PHF21B: variants seen among roughly 807,000 people sequenced by gnomAD.
PHF21B encodes PHD finger protein 4.
In PHF21B, 22 loss-of-function variants were observed where a neutral mutation model predicts 62.2. That is an observed-to-expected ratio of 0.35 (90% CI 0.25 to 0.51). The LOEUF (loss-of-function observed/expected upper bound fraction) is 0.51. PHF21B is among the 20% of genes least tolerant of loss of function. The probability of loss-of-function intolerance (pLI) is 0.97; values close to 1 mark genes in which losing one functional copy is unlikely to be tolerated. For missense variants in PHF21B, 701 were observed against 707.9 expected, an observed-to-expected ratio of 0.99 and a Z score of 0.11; for synonymous variants, 341 against 314.7, an observed-to-expected ratio of 1.08 and a Z score of -0.88.
chr22:44,939,249 C>T (rs957730310), intron 2 of PHF21B, among the ~76,000 whole-genome samples: 6 of 152,170 alleles, frequency 3.9e-5, no homozygotes, highest in African/African-American at 7.2e-5. Flanking sequence ...AGGCAGGAGA[C>T]GCTCCTTCAC....
In PHF21B at chr22:44,917,552, C is replaced by T. The variant is rs146413149; in HGVS notation, c.214-922G>A. Among the ~76,000 whole-genome samples the T allele has an allele frequency of 1.9e-3, 295 of 152,282 alleles. 2 individuals are homozygous for T. Among genetic ancestry groups the T allele is most frequent in the African/African-American group, 6.5e-3 (270 of 41,546 alleles). On this transcript the variant is annotated intron_variant, in intron 3 of 12. Coordinates refer to ENST00000313237, the MANE Select transcript of PHF21B (RefSeq NM_138415.5). Reference sequence around the variant, plus strand: ...GACAAGGGGACAAGGAGAAGGGGTACGACCTGCCTTCTCATCTGAACCCCG... The same window carrying T: ...GACAAGGGGACAAGGAGAAGGGGTATGACCTGCCTTCTCATCTGAACCCCG...
At chr22:44,921,034 G>A (rs1298616104) in intron 2 of PHF21B, among the ~76,000 whole-genome samples, 2 of 152,216 alleles carry the variant, frequency 1.3e-5, no homozygotes, top group Non-Finnish European at 2.9e-5. Flanking sequence ...TGAATATGGG[G>A]ATCCATGGAC....
rs529298508 is a variant in PHF21B, at chr22:44,984,028, A to G, written c.120+24517T>C. Among the ~76,000 whole-genome samples, 736 of 150,440 alleles carry G rather than the reference A, an allele frequency of 4.9e-3. 7 individuals carry two copies. The highest frequency in any genetic ancestry group is 0.017 in the African/African-American group (706 of 40,746). ...AGGCATGACAGCCACCGCCATCATC[A>G]TTGGCATCATCACCACCATCATCAC... is the stretch of plus-strand genomic sequence containing the variant. On this transcript the variant is annotated intron_variant, in intron 2 of 12. Coordinates refer to ENST00000313237, the MANE Select transcript of PHF21B (RefSeq NM_138415.5).
At chr22:44,893,058 G>A (rs1416864648) in intron 7 of PHF21B, among the ~76,000 whole-genome samples, 1 of 151,898 alleles carries the variant, frequency 6.6e-6, no homozygotes, top group Non-Finnish European at 1.5e-5. Flanking sequence ...CACATCCTCA[G>A]TCTCTCCCAG....
intron 3 of PHF21B, among the ~76,000 whole-genome samples, chr22:44,919,919 TC>T (rs1295366849): frequency 6.6e-6 from 1 of 151,790 alleles, no homozygotes; most frequent in Non-Finnish European, 1.5e-5. Flanking sequence ...AAGCGTGGAG[TC>T]CAGTCGGGGG....
intron 2 of PHF21B, among the ~76,000 whole-genome samples, chr22:44,972,274 A>AGGT (rs2072653088): frequency 6.6e-6 from 1 of 152,262 alleles, no homozygotes; most frequent in Non-Finnish European, 1.5e-5. Context: ...AAAATATGAA[A>AGGT]GGTGATTAAG....
chr22:44,891,959 G>A (rs921559288), intron 7 of PHF21B, among the ~76,000 whole-genome samples: 1 of 152,150 alleles, frequency 6.6e-6, no homozygotes, highest in African/African-American at 2.4e-5. Flanking sequence ...TCTCGGTGTG[G>A]TCAGGCTGTG....
intron 2 of PHF21B, among the ~76,000 whole-genome samples, chr22:45,007,078 CCGGACGGGGGCGCGCGGCCGGGG>C (rs2073328327): frequency 6.6e-6 from 1 of 151,850 alleles, no homozygotes; most frequent in Non-Finnish European, 1.5e-5. Flanking sequence ...GCTTCCACTC[CCGGACGGGGGCGCGCGGCCGGGG>C]GCGGGGGGGC....
intron 2 of PHF21B, among the ~76,000 whole-genome samples, chr22:44,964,398 A>G (rs2072484144): frequency 6.6e-6 from 1 of 152,048 alleles, no homozygotes; most frequent in Admixed American, 6.6e-5. Context: ...GCACCCCTGA[A>G]CCTGGGGTCT....
intron 8 of PHF21B, among the ~76,000 whole-genome samples, chr22:44,890,985 AAG>A (rs1395402585): frequency 1.3e-5 from 2 of 152,162 alleles, no homozygotes; most frequent in African/African-American, 4.8e-5. Context: ...GCGTGTGGGG[AAG>A]AGAGGTTGTC....
At chr22:44,983,000 T>G (rs1329681994) in intron 2 of PHF21B, among the ~76,000 whole-genome samples, 1 of 152,090 alleles carries the variant, frequency 6.6e-6, no homozygotes, top group Non-Finnish European at 1.5e-5. Flanking sequence ...TCCCAGCACT[T>G]TGGGAGACCG....
At chr22:44,976,298 T>C (rs1393778834) in intron 2 of PHF21B, among the ~76,000 whole-genome samples, 1 of 152,234 alleles carries the variant, frequency 6.6e-6, no homozygotes, top group Admixed American at 6.5e-5. Flanking sequence ...GCCTCATACA[T>C]TTATTATTTC....
chr22:44,962,067 G>A (rs2072435157), intron 2 of PHF21B, among the ~76,000 whole-genome samples: 1 of 151,950 alleles, frequency 6.6e-6, no homozygotes, highest in African/African-American at 2.4e-5. Flanking sequence ...ATGCTGAGAT[G>A]TACACACAAG....
chr22:44,916,701 C>A, intron 3 of PHF21B, 71 bp from the exon 4 acceptor site: 1 of 1,359,500 alleles, frequency 7.4e-7, no homozygotes, highest in Non-Finnish European at 1.0e-6. Context: ...GCCGCCCTGG[C>A]TCGGAGACTT....
chr22:44,889,216 T>C (rs2070916089), intron 9 of PHF21B, among the ~76,000 whole-genome samples: 1 of 147,982 alleles, frequency 6.8e-6, no homozygotes, highest in Non-Finnish European at 1.5e-5. Flanking sequence ...GATCATGCCA[T>C]GAACGAGGTC....
intron 2 of PHF21B, among the ~76,000 whole-genome samples, chr22:44,994,951 G>A (rs563750730): frequency 2.7e-4 from 41 of 152,374 alleles, no homozygotes; most frequent in Non-Finnish European, 4.7e-4. Flanking sequence ...ACTCACAGCA[G>A]CTCAGGCCGA....
chr22:44,887,156 CAAAAAAA>C (rs565346064), intron 10 of PHF21B, among the ~76,000 whole-genome samples: 1 of 65,090 alleles, frequency 1.5e-5, no homozygotes, highest in Non-Finnish European at 3.5e-5. Flanking sequence ...AACTCCATCT[CAAAAAAA>C]AAAAAAAAAA....
At chr22:44,942,081 C>T (rs935765736) in intron 2 of PHF21B, among the ~76,000 whole-genome samples, 7 of 152,198 alleles carry the variant, frequency 4.6e-5, no homozygotes, top group African/African-American at 1.7e-4. Context: ...TGACATGGCA[C>T]AGCAAGTCTG....
At position 44,891,389 on chromosome 22, in the gene PHF21B, C is replaced by T. The variant is rs1199188058; in HGVS notation, c.961-29G>A. On this transcript the variant is annotated intron_variant, in intron 7 of 12. Transcript: ENST00000313237. ...CAGGGACAGAAAACAAAACAACACA[C>T]CCCATCATCTGGAGGCTCTCTTCGA... The T allele has an allele frequency of 2.5e-6, 4 of 1,610,614 alleles. No homozygotes were observed. In the African/African-American group the frequency reaches 5.3e-5, roughly 21 times the overall value.
Sources: gnomAD v4.1 joint callset for allele counts (sites outside exome capture counted in the v4.1 genomes callset) on GRCh38, gnomAD v4.1.1 for gene constraint, MANE v1.5 for transcripts, NCBI Gene and HGNC (gene_info 2026-07-23, HGNC 2026-07-21) for gene names.